Variants in WDR44 observed in about 807,000 individuals in gnomAD.
WDR44 encodes the protein WD repeat-containing protein 44.
WDR44 carries 9 observed loss-of-function variants against 65.7 expected under a neutral mutation model. The observed-to-expected ratio is 0.14, with a 90% confidence interval of 0.08 to 0.24. WDR44 has a LOEUF of 0.24. Among genes scored for constraint, WDR44 ranks in the 10% least tolerant of loss-of-function variants. The probability of loss-of-function intolerance (pLI) is 1.00; values close to 1 mark genes in which losing one functional copy is unlikely to be tolerated. For missense variants in WDR44, 425 were observed against 670.9 expected (o/e 0.63, Z 4.05); for synonymous variants, 220 against 235.2 (o/e 0.94, Z 0.59).
chrX:118,352,864 T>C (rs2056427046), intron 1 of WDR44, among the ~76,000 whole-genome samples: 1 of 111,224 alleles, frequency 9.0e-6, no homozygotes, highest in African/African-American at 3.3e-5. Flanking sequence ...CAAGTTACAG[T>C]GCTGCTTCCT....
chrX:118,404,760 G>A (rs2056947931), intron 9 of WDR44, among the ~76,000 whole-genome samples: 1 of 111,642 alleles, frequency 9.0e-6, no homozygotes, highest in South Asian at 3.7e-4. Flanking sequence ...GAGTGCAGTG[G>A]CGCGATCTCG....
chrX:118,443,259 T>G (rs1344618216), intron 17 of WDR44, among the ~76,000 whole-genome samples: 1 of 112,076 alleles, frequency 8.9e-6, no homozygotes, highest in Non-Finnish European at 1.9e-5. Flanking sequence ...AATTATACAT[T>G]AATTAATTCA....
At position 118,404,499 on chromosome X, in the gene WDR44, A is replaced by C; in HGVS notation, c.1381+55A>C. 3 of 936,318 alleles carry C rather than the reference A, an allele frequency of 3.2e-6. No individual in the cohort carries two copies. In the South Asian group the frequency reaches 7.3e-5, roughly 23 times the overall value. The allele number at this position is 936,318 out of a possible 1,213,427, so 77.2% of individuals were successfully genotyped here. A position where few individuals can be genotyped will look rare whatever the true frequency, so the allele number is the denominator to read the frequency against. ...CATTCAATTAATTTGTAATCGTCTA[A>C]ATTTAGCCTGTAGTTTGTAAGAAGC... On this transcript the variant is annotated intron_variant, in intron 9 of 19. Coordinates refer to ENST00000254029, the MANE Select transcript of WDR44 (RefSeq NM_019045.5).
intron 12 of WDR44, among the ~76,000 whole-genome samples, chrX:118,422,778 A>T (rs1026760360): frequency 1.8e-5 from 2 of 112,024 alleles, no homozygotes; most frequent in Non-Finnish European, 3.8e-5. Context: ...GAGTGAGAGA[A>T]TTTTTGTGAA....
chrX:118,391,485 A>G (rs1208773311), intron 3 of WDR44, among the ~76,000 whole-genome samples: 1 of 112,173 alleles, frequency 8.9e-6, no homozygotes, highest in Admixed American at 9.5e-5. Context: ...AAATTGTAGT[A>G]AACCAGATTA....
At chrX:118,386,492 A>G (rs759241205) in intron 2 of WDR44, 32 of 340,197 alleles carry the variant, frequency 9.4e-5, no homozygotes, top group Non-Finnish European at 5.6e-6. Flanking sequence ...ATCTTTTTTC[A>G]TAGTTTTTTT....
At position 118,424,323 on chromosome X, in the gene WDR44, G is replaced by GTGTGTATATATATATATA. The variant is rs1289349202; in HGVS notation, c.1738-8457_1738-8456insGTGTATATATATATATAT. ...TGTATATATATATATGTGTGTGTGT[G>GTGTGTATATATATATATA]TATATATATATATATATATATATAT... On this transcript the variant is annotated intron_variant, in intron 12 of 19. Coordinates refer to ENST00000254029, the MANE Select transcript of WDR44 (RefSeq NM_019045.5). 7.5e-3 allele frequency among the ~76,000 whole-genome samples: 489 copies of GTGTGTATATATATATATA among 65,498 alleles called. 23 individuals are homozygous for GTGTGTATATATATATATA. Among genetic ancestry groups the GTGTGTATATATATATATA allele is most frequent in the African/African-American group, 0.045 (455 of 10,043 alleles). 56.9% of individuals were successfully genotyped at this position (65,498 alleles called of 115,157 possible).
chrX:118,392,737 A>T lies in WDR44; in HGVS notation c.292A>T (p.Ile98Phe), dbSNP rs762270461. 1 of 1,212,043 alleles carries T rather than the reference A, an allele frequency of 8.3e-7. No homozygotes were observed. Among genetic ancestry groups the T allele is most frequent in the Non-Finnish European group, 1.1e-6 (1 of 895,529 alleles). The change falls in exon 4 of 20, where the codon ATT becomes TTT. Residue 98 changes from isoleucine (I) to phenylalanine (F), a missense_variant. Physicochemically the swap from Ile to Phe is conservative, Grantham distance 21. Coordinates refer to ENST00000254029, the MANE Select transcript of WDR44 (RefSeq NM_019045.5). ...CTCTGATCAAGCTACTGCCAGTCCTATTGTGGCTAGAACAGATCTGAGCAA... is the reference window on the plus strand; with the variant it reads ...CTCTGATCAAGCTACTGCCAGTCCTTTTGTGGCTAGAACAGATCTGAGCAA... ...ELSDQATASP[I>F]VARTDLSNIP...
intron 1 of WDR44, among the ~76,000 whole-genome samples, chrX:118,363,418 A>G (rs75879623): frequency 2.8e-5 from 3 of 106,803 alleles, no homozygotes; most frequent in Admixed American, 1.0e-4. Context: ...AAAAAAAAAA[A>G]GGGAGAAAAA....
At chrX:118,353,184 T>C (rs2056429657) in intron 1 of WDR44, among the ~76,000 whole-genome samples, 1 of 111,891 alleles carries the variant, frequency 8.9e-6, no homozygotes, top group Admixed American at 9.5e-5. Flanking sequence ...GGTGCTTTCC[T>C]TACTCTTCAG....
intron 12 of WDR44, among the ~76,000 whole-genome samples, chrX:118,430,638 A>C (rs1299762405): frequency 3.6e-5 from 4 of 111,168 alleles, no homozygotes; most frequent in African/African-American, 1.3e-4. Context: ...TCAGGAGTTC[A>C]AGACCAGCCT....
intron 6 of WDR44, 81 bp from the exon 7 acceptor site, chrX:118,396,889 T>C: frequency 9.6e-7 from 1 of 1,045,692 alleles, no homozygotes; most frequent in Non-Finnish European, 1.3e-6. Context: ...TTAGCTTAAA[T>C]TTTAGGGGAT....
chrX:118,424,899 C>T (rs2057142725), intron 12 of WDR44, among the ~76,000 whole-genome samples: 1 of 111,673 alleles, frequency 9.0e-6, no homozygotes, highest in Non-Finnish European at 1.9e-5. Context: ...ATATAAGAGT[C>T]CAATTTCATT....
intron 2 of WDR44, among the ~76,000 whole-genome samples, chrX:118,386,220 G>A (rs1188930388): frequency 5.4e-5 from 6 of 111,176 alleles, no homozygotes; most frequent in Non-Finnish European, 1.1e-4. Flanking sequence ...ACTCTGTGAT[G>A]TGCACAAAGA....
chrX:118,351,941 CAAAAAT>C (rs1445279750), intron 1 of WDR44, among the ~76,000 whole-genome samples: 5 of 95,651 alleles, frequency 5.2e-5, no homozygotes, highest in Non-Finnish European at 1.0e-4. Context: ...GACTCCGTCT[CAAAAAT>C]AAATAAATAA....
rs1181185869 is a variant in WDR44, at chrX:118,430,538, T to TA, written c.1738-2228dup. Among the ~76,000 whole-genome samples, 640 of 90,343 alleles carry TA rather than the reference T, an allele frequency of 7.1e-3. 6 individuals carry two copies. Among genetic ancestry groups the TA allele is most frequent in the African/African-American group, 0.023 (565 of 24,252 alleles). 78.5% of individuals were successfully genotyped at this position (90,343 alleles called of 115,157 possible). ...GCCTGAGTGACAGTGAGACTCCATCTAAAAAAAAAAAAAAATTTAGTCTGG... is the reference window on the plus strand; with the variant it reads ...GCCTGAGTGACAGTGAGACTCCATCTAAAAAAAAAAAAAAAATTTAGTCTGG... On this transcript the variant is annotated intron_variant, in intron 12 of 19. Coordinates refer to ENST00000254029, the MANE Select transcript of WDR44 (RefSeq NM_019045.5).
At chrX:118,370,923 G>A (rs776205354) in intron 1 of WDR44, among the ~76,000 whole-genome samples, 1 of 109,101 alleles carries the variant, frequency 9.2e-6, no homozygotes, top group South Asian at 4.0e-4. Context: ...TCAGCCTTAG[G>A]TATTTCTTTA....
chrX:118,403,107 G>A (rs1016738983), intron 8 of WDR44, among the ~76,000 whole-genome samples: 5 of 112,156 alleles, frequency 4.5e-5, no homozygotes, highest in Admixed American at 9.5e-5. Flanking sequence ...GTAGGATGGA[G>A]CAGGGTGGTG....
At position 118,346,418 on chromosome X, in the gene WDR44, C is replaced by T. The variant is rs2056349664; in HGVS notation, c.-86C>T. 4 of 860,996 alleles carry T rather than the reference C, an allele frequency of 4.6e-6. No individual in the cohort carries two copies. Among genetic ancestry groups the T allele is most frequent in the Admixed American group, 2.3e-5 (1 of 44,204 alleles). The allele number at this position is 860,996 out of a possible 1,213,427, so 71.0% of individuals were successfully genotyped here. A position where few individuals can be genotyped will look rare whatever the true frequency, so the allele number is the denominator to read the frequency against. ...CCCGAGACCCACTTCCCCAGTCTCG[C>T]CCGGGTGGAGGTCGACGAGGAGGAG... On this transcript the variant is annotated 5_prime_UTR_variant, in exon 1 of 20. Transcript: ENST00000254029.
Sources: gnomAD v4.1 joint callset for allele counts (sites outside exome capture counted in the v4.1 genomes callset) on GRCh38, gnomAD v4.1.1 for gene constraint, MANE v1.5 for transcripts, NCBI Gene and HGNC (gene_info 2026-07-23, HGNC 2026-07-21) for gene names.